Variants in EBNA1BP2 observed in about 807,000 individuals in gnomAD.
The protein encoded by EBNA1BP2 is EBNA1 binding protein 2, also known as probable rRNA-processing protein EBP2.
Under a neutral mutation model 43.5 loss-of-function variants are expected in EBNA1BP2, and 36 were observed. That is an observed-to-expected ratio of 0.83 (90% CI 0.63 to 1.09). The LOEUF (loss-of-function observed/expected upper bound fraction) is 1.09, where lower values mean the gene tolerates loss of function less well. Ranked by LOEUF, EBNA1BP2 falls within the 50% of genes least tolerant of loss-of-function variation. The probability of loss-of-function intolerance (pLI) is 0.00; values close to 1 mark genes in which losing one functional copy is unlikely to be tolerated. For synonymous variants in EBNA1BP2, 127 were observed against 141.3 expected, an observed-to-expected ratio of 0.90 and a Z score of 0.72; for missense variants, 332 against 379.1, an observed-to-expected ratio of 0.88 and a Z score of 1.03.
intron 3 of EBNA1BP2, 162 bp from the exon 4 acceptor site, chr1:43,171,041 A>C (rs1644960933): frequency 9.5e-7 from 1 of 1,049,110 alleles, no homozygotes; most frequent in Non-Finnish European, 1.3e-6. Flanking sequence ...TTAGTATCTA[A>C]AAGAAATGTA....
intron 7 of EBNA1BP2, 47 bp from the exon 8 acceptor site, chr1:43,164,852 A>T (rs753963463): frequency 6.3e-7 from 1 of 1,599,662 alleles, no homozygotes; most frequent in Non-Finnish European, 8.5e-7. Flanking sequence ...GTAAAGCCTG[A>T]TGAACCTGAT....
chr1:43,166,218 G>A (rs562634099), intron 7 of EBNA1BP2, among the ~76,000 whole-genome samples: 18 of 152,278 alleles, frequency 1.2e-4, no homozygotes, highest in East Asian at 3.9e-4. Context: ...TGGTAGAGTC[G>A]GGATCTGAAC....
At chr1:43,170,041 G>C (rs935949945) in intron 4 of EBNA1BP2, among the ~76,000 whole-genome samples, 5 of 152,168 alleles carry the variant, frequency 3.3e-5, no homozygotes, top group African/African-American at 4.8e-5. Context: ...CTAGTCTCTA[G>C]TGCCAGACCG....
chr1:43,165,912 C>T (rs940664633), intron 7 of EBNA1BP2, among the ~76,000 whole-genome samples: 35 of 152,262 alleles, frequency 2.3e-4, no homozygotes, highest in African/African-American at 7.7e-4. Flanking sequence ...ATGCTCAAGT[C>T]GAACGCTCCT....
chr1:43,171,381 C>G, intron 3 of EBNA1BP2, 98 bp downstream of exon 3: 1 of 1,458,508 alleles, frequency 6.9e-7, no homozygotes. Context: ...TCTCTCTACT[C>G]CTAGGCTTAT....
At chr1:43,166,990 G>A (rs1644923186) in intron 6 of EBNA1BP2, 71 bp from the exon 7 acceptor site, 1 of 1,552,454 alleles carries the variant, frequency 6.4e-7, no homozygotes, top group South Asian at 1.1e-5. Flanking sequence ...CACCATATGA[G>A]GCTGTTATTT....
chr1:43,171,093 A>T (rs1569732447), intron 3 of EBNA1BP2: 1 of 621,788 alleles, frequency 1.6e-6, no homozygotes, highest in East Asian at 4.1e-5. Context: ...TGTTGCTAAA[A>T]ATAGTTTAAG....
At chr1:43,164,938 T>G (rs1644908644) in intron 7 of EBNA1BP2, 133 bp from the exon 8 acceptor site, 1 of 1,129,292 alleles carries the variant, frequency 8.9e-7, no homozygotes, top group African/African-American at 1.6e-5. Flanking sequence ...ATCTCATCCT[T>G]GGCCCCACAA....
intron 7 of EBNA1BP2, among the ~76,000 whole-genome samples, chr1:43,165,181 C>G (rs1329893879): frequency 1.2e-4 from 18 of 152,142 alleles, no homozygotes. Flanking sequence ...TAATATGTTA[C>G]ATTTGTAACA....
intron 4 of EBNA1BP2, among the ~76,000 whole-genome samples, chr1:43,170,205 A>C (rs766807363): frequency 6.6e-6 from 1 of 152,232 alleles, no homozygotes; most frequent in South Asian, 2.1e-4. Context: ...TTTTGATCCA[A>C]GGTTGGTTGA....
At chr1:43,168,615 T>C (rs1213776715) in intron 5 of EBNA1BP2, among the ~76,000 whole-genome samples, 1 of 152,124 alleles carries the variant, frequency 6.6e-6, no homozygotes, top group African/African-American at 2.4e-5. Flanking sequence ...GATTCTGAAG[T>C]CTAGAATTCT....
At chr1:43,168,863 G>A (rs1644934979) in intron 5 of EBNA1BP2, 76 bp downstream of exon 5, 1 of 1,429,008 alleles carries the variant, frequency 7.0e-7, no homozygotes, top group African/African-American at 1.4e-5. Flanking sequence ...CAGTTCAGGG[G>A]ACCAAGTCAG....
At chr1:43,165,396 CCCA>C (rs1394795481) in intron 7 of EBNA1BP2, among the ~76,000 whole-genome samples, 5 of 152,162 alleles carry the variant, frequency 3.3e-5, no homozygotes, top group Non-Finnish European at 7.4e-5. Context: ...TGGCGCTGCT[CCCA>C]CCAACCCAGA....
chr1:43,167,327 C>A (rs1459480543), intron 5 of EBNA1BP2, 92 bp from the exon 6 acceptor site: 1 of 1,194,654 alleles, frequency 8.4e-7, no homozygotes, highest in Admixed American at 1.7e-5. Context: ...ATTAATACCA[C>A]TACCCTCTGA....
Position 43,171,553 on chromosome 1 carries a change from A to T in EBNA1BP2, c.249T>A (p.Ser83=). 6.2e-7 allele frequency: 1 copy of T among 1,614,230 alleles called. No individual in the cohort carries two copies. The highest frequency in any genetic ancestry group is 8.5e-7 in the Non-Finnish European group (1 of 1,180,040). The part of the protein sequence containing the change: ...TLGPVPEIGG[S]EAPAPQNKDQ... ...CCTTGTTCTGAGGTGCTGGCGCCTC[A>T]GATCCACCGATCTCCGGTACCGGAC... Residue 83 remains serine (S), a synonymous_variant, in exon 3 of 9, where the codon TCT becomes TCA. Coordinates refer to ENST00000236051, the MANE Select transcript of EBNA1BP2 (RefSeq NM_006824.3).
chr1:43,170,618 G>T, intron 4 of EBNA1BP2, 138 bp downstream of exon 4: 2 of 1,272,916 alleles, frequency 1.6e-6, no homozygotes, highest in Non-Finnish European at 2.1e-6. Context: ...CTCTGAAGTA[G>T]CCAATCTATG....
At chr1:43,167,732 T>A (rs1179058860) in intron 5 of EBNA1BP2, among the ~76,000 whole-genome samples, 1 of 151,780 alleles carries the variant, frequency 6.6e-6, no homozygotes, top group African/African-American at 2.4e-5. Flanking sequence ...AAGAAAAAAG[T>A]TTGAAGGATA....
At chr1:43,172,401 A>G (rs1292684574), upstream of EBNA1BP2, 7 of 1,551,288 alleles carry the variant, frequency 4.5e-6, no homozygotes, top group African/African-American at 9.6e-5. Context: ...GGATCCCTAC[A>G]GGTAGCGCCT....
At chr1:43,168,797 A>T in intron 5 of EBNA1BP2, 142 bp downstream of exon 5, 1 of 864,560 alleles carries the variant, frequency 1.2e-6, no homozygotes, top group Non-Finnish European at 1.9e-6. Context: ...TGTGCTCATG[A>T]ATACCAGCAC....
Sources: gnomAD v4.1 joint callset for allele counts (sites outside exome capture counted in the v4.1 genomes callset) on GRCh38, gnomAD v4.1.1 for gene constraint, MANE v1.5 for transcripts, NCBI Gene and HGNC (gene_info 2026-07-23, HGNC 2026-07-21) for gene names.